SPTBN1: variants seen among roughly 807,000 people sequenced by gnomAD.
The protein encoded by SPTBN1 is spectrin beta chain, non-erythrocytic 1.
In SPTBN1, 32 loss-of-function variants were observed where a neutral mutation model predicts 266.4. The observed-to-expected ratio is 0.12, with a 90% CI of 0.09 to 0.16. The LOEUF (loss-of-function observed/expected upper bound fraction) is 0.16, where lower values mean the gene tolerates loss of function less well. Among genes scored for constraint, SPTBN1 ranks in the 10% least tolerant of loss-of-function variants. The probability of loss-of-function intolerance (pLI) is 1.00; values close to 1 mark genes in which losing one functional copy is unlikely to be tolerated. For missense variants in SPTBN1, 2,296 were observed against 3,067.1 expected (o/e 0.75, Z 5.94); for synonymous variants, 1,336 against 1,162.2 (o/e 1.15, Z -3.04).
rs1456831314 is a variant in SPTBN1, at chr2:54,669,074, A to G, written c.*505A>G. ...CGCATATTATGATCTTGCTGCAGCC[A>G]CAGTGCAGCTCCACATTAACTCTAC... On this transcript the variant is annotated 3_prime_UTR_variant, in exon 36 of 36. Coordinates refer to ENST00000356805, the MANE Select transcript of SPTBN1 (RefSeq NM_003128.3). 3 of 167,360 alleles carry G rather than the reference A, an allele frequency of 1.8e-5. No individual in the cohort carries two copies. The highest frequency in any genetic ancestry group is 4.8e-5 in the African/African-American group (2 of 41,522). 10.4% of individuals were successfully genotyped at this position (167,360 alleles called of 1,614,324 possible). A position where few individuals can be genotyped will look rare whatever the true frequency, so the allele number is the denominator to read the frequency against.
intron 1 of SPTBN1, among the ~76,000 whole-genome samples, chr2:54,521,872 C>T (rs748083051): frequency 1.3e-5 from 2 of 151,952 alleles, no homozygotes; most frequent in Non-Finnish European, 2.9e-5. Flanking sequence ...AATTTGGATA[C>T]TTTGACTTCC....
intron 2 of SPTBN1, among the ~76,000 whole-genome samples, chr2:54,584,401 A>G (rs1457082528): frequency 6.6e-6 from 1 of 152,232 alleles, no homozygotes; most frequent in Non-Finnish European, 1.5e-5. Flanking sequence ...TTTCTAGAAA[A>G]CAAATATCTA....
intron 17 of SPTBN1, 83 bp downstream of exon 17, chr2:54,632,851 G>T: frequency 6.8e-7 from 1 of 1,475,380 alleles, no homozygotes; most frequent in Non-Finnish European, 9.2e-7. Context: ...GCCCTTGGGA[G>T]TTTAGGTATA....
At chr2:54,661,499 A>G (rs947884667) in intron 32 of SPTBN1, 13 of 985,514 alleles carry the variant, frequency 1.3e-5, no homozygotes, top group African/African-American at 1.8e-5. Flanking sequence ...CCTTATCTCT[A>G]TGTACATATC....
chr2:54,562,522 C>CTTTTTCTTT (rs1558842904), intron 2 of SPTBN1, among the ~76,000 whole-genome samples: 1 of 42,294 alleles, frequency 2.4e-5, no homozygotes, highest in Non-Finnish European at 4.4e-5. Context: ...GCTTACTTTT[C>CTTTTTCTTT]TTTTCTTTTT....
chr2:54,634,253 A>G (rs1292904647), intron 17 of SPTBN1, among the ~76,000 whole-genome samples: 1 of 152,150 alleles, frequency 6.6e-6, no homozygotes, highest in Non-Finnish European at 1.5e-5. Flanking sequence ...CAGTGCTGCA[A>G]CTGCACAAAG....
At chr2:54,605,709 C>G (rs1428063709) in intron 3 of SPTBN1, among the ~76,000 whole-genome samples, 2 of 152,228 alleles carry the variant, frequency 1.3e-5, no homozygotes, top group Non-Finnish European at 2.9e-5. Flanking sequence ...TACTCTGAAG[C>G]AGATAGAACA....
chr2:54,668,418 C>T lies in SPTBN1; in HGVS notation c.6944C>T (p.Ala2315Val), dbSNP rs772312355. Residue 2315 changes from alanine (A) to valine (V), a missense_variant, in exon 36 of 36, where the codon GCC (alanine) becomes GTC (valine). Ala to Val is a moderately conservative substitution (Grantham distance 64). This residue lies in a region of SPTBN1 where 347 missense variants were observed against 368.5 expected (regional missense o/e 0.94). Coordinates refer to ENST00000356805, the MANE Select transcript of SPTBN1 (RefSeq NM_003128.3). ...AISSDKHEVS[A>V]STQSTPASSR... is the part of the protein sequence containing the mutation. ...TCCTCTGATAAACACGAGGTGTCTG[C>T]CAGCACCCAGAGCACGCCAGCATCC... is the stretch of plus-strand genomic sequence containing the variant. The T allele has an allele frequency of 1.9e-6, 3 of 1,614,222 alleles. No individual in the cohort carries two copies. The highest frequency in any genetic ancestry group is 2.5e-6 in the Non-Finnish European group (3 of 1,180,050).
chr2:54,503,168 C>T lies in SPTBN1; in HGVS notation c.-47-23204C>T, dbSNP rs538486857. ...TTTTGGTCATCCATTCTCACCTGCC[C>T]CACGACACTGGTCACTGGTGTCTCC... On this transcript the variant is annotated intron_variant, in intron 1 of 35. Transcript: ENST00000356805. 3.9e-5 allele frequency among the ~76,000 whole-genome samples: 6 copies of T among 152,286 alleles called. 1 individual carries two copies. The South Asian group carries it at 1.2e-3, about 32-fold the overall frequency.
intron 17 of SPTBN1, among the ~76,000 whole-genome samples, chr2:54,635,962 G>A (rs1317564553): frequency 6.6e-6 from 1 of 151,982 alleles, no homozygotes; most frequent in Non-Finnish European, 1.5e-5. Flanking sequence ...ATTTAATTTT[G>A]GTTTCTGATG....
At chr2:54,547,994 T>A (rs951528527) in intron 2 of SPTBN1, among the ~76,000 whole-genome samples, 7 of 151,454 alleles carry the variant, frequency 4.6e-5, no homozygotes, top group African/African-American at 1.7e-4. Context: ...ATACAAAAAA[T>A]TAGCCAGGCG....
intron 1 of SPTBN1, among the ~76,000 whole-genome samples, chr2:54,477,379 C>T (rs1558760275): frequency 6.6e-6 from 1 of 150,708 alleles, no homozygotes; most frequent in East Asian, 1.9e-4. Flanking sequence ...ACTCCCCAGA[C>T]TTTCGGATTT....
At chr2:54,632,136 GTCT>G (rs1481300045) in intron 16 of SPTBN1, among the ~76,000 whole-genome samples, 1 of 148,070 alleles carries the variant, frequency 6.8e-6, no homozygotes. Flanking sequence ...AGACCAGTCT[GTCT>G]TCTTGCTCTA....
Position 54,632,576 on chromosome 2 carries a change from T to A in SPTBN1, c.3575T>A (p.Leu1192Gln). 6.2e-7 allele frequency: 1 copy of A among 1,614,244 alleles called. No individual in the cohort carries two copies. The highest frequency in any genetic ancestry group is 8.5e-7 in the Non-Finnish European group (1 of 1,180,044). The change falls in exon 17 of 36, where the codon CTG (leucine) becomes CAG (glutamine). Residue 1192 changes from leucine to glutamine, a missense_variant. Transcript: ENST00000356805. The part of the protein sequence containing the change: ...EAFLNNQEYV[L>Q]AHTEMPTTLE... ...CTCTTTTTAAATAAGGAGTATGTTC[T>A]GGCTCACACTGAAATGCCTACCACC...
intron 2 of SPTBN1, among the ~76,000 whole-genome samples, chr2:54,543,663 C>T (rs1381648094): frequency 1.3e-5 from 2 of 152,104 alleles, no homozygotes; most frequent in Non-Finnish European, 2.9e-5. Context: ...TTTCCTGTTT[C>T]GGATTTGCAC....
chr2:54,612,353 G>T lies in SPTBN1; in HGVS notation c.474+19G>T. 1 of 1,599,352 alleles carries T rather than the reference G, an allele frequency of 6.3e-7. No individual in the cohort carries two copies. Among genetic ancestry groups the T allele is most frequent in the Non-Finnish European group, 8.5e-7 (1 of 1,170,974 alleles). The stretch of plus-strand genomic sequence containing the variant: ...CTTCCAGGTAAGGGTCTCTGCCCAG[G>T]GTTGCTCAGAACTTAGGCCGACCTC... On this transcript the variant is annotated intron_variant, in intron 4 of 35. Coordinates refer to ENST00000356805, the MANE Select transcript of SPTBN1 (RefSeq NM_003128.3).
chr2:54,526,310 T>A, intron 1 of SPTBN1, 62 bp from the exon 2 acceptor site: 1 of 1,349,446 alleles, frequency 7.4e-7, no homozygotes, highest in Non-Finnish European at 1.0e-6. Flanking sequence ...TTATCCCAGT[T>A]GGTTCCGTGG....
chr2:54,469,968 T>G (rs1278267834), intron 1 of SPTBN1, among the ~76,000 whole-genome samples: 1 of 152,204 alleles, frequency 6.6e-6, no homozygotes, highest in Non-Finnish European at 1.5e-5. Flanking sequence ...CATCCTGTCT[T>G]TCATTCTCTG....
intron 1 of SPTBN1, among the ~76,000 whole-genome samples, chr2:54,474,633 GA>G (rs1667725744): frequency 6.6e-6 from 1 of 152,078 alleles, no homozygotes; most frequent in Non-Finnish European, 1.5e-5. Context: ...AATAACATGG[GA>G]AGGTTTTTAA....
Sources: gnomAD v4.1 joint callset for allele counts (sites outside exome capture counted in the v4.1 genomes callset) on GRCh38, gnomAD v4.1.1 for gene constraint, gnomAD v4.1.1 regional missense constraint, MANE v1.5 for transcripts, NCBI Gene and HGNC (gene_info 2026-07-23, HGNC 2026-07-21) for gene names.